Variants in CEP70 observed in about 807,000 individuals in gnomAD.
CEP70 encodes the protein centrosomal protein 70, also known as centrosomal protein of 70 kDa.
In CEP70, 70 loss-of-function variants were observed where a neutral mutation model predicts 90.9. The observed-to-expected ratio is 0.77, with a 90% CI of 0.64 to 0.94. The LOEUF (loss-of-function observed/expected upper bound fraction) is 0.94, where lower values mean the gene tolerates loss of function less well. Ranked by LOEUF, CEP70 falls within the 40% of genes least tolerant of loss-of-function variation. The pLI is 0.00. For synonymous variants in CEP70, 220 were observed against 228.3 expected (o/e 0.96, Z 0.33); for missense variants, 648 against 669.0 (o/e 0.97, Z 0.35).
intron 6 of CEP70, among the ~76,000 whole-genome samples, chr3:138,545,652 G>C (rs1325087208): frequency 6.6e-6 from 1 of 152,180 alleles, no homozygotes; most frequent in Non-Finnish European, 1.5e-5. Flanking sequence ...GGATGTACAA[G>C]TAGGAGAGAT....
intron 6 of CEP70, among the ~76,000 whole-genome samples, chr3:138,562,875 C>T (rs1309053400): frequency 9.9e-5 from 15 of 152,008 alleles, no homozygotes; most frequent in South Asian, 6.2e-4. Flanking sequence ...TAAATGTAAA[C>T]GGCTAAATGC....
intron 2 of CEP70, among the ~76,000 whole-genome samples, chr3:138,580,276 G>A (rs374550749): frequency 7.2e-5 from 11 of 152,212 alleles, no homozygotes; most frequent in Admixed American, 3.9e-4. Flanking sequence ...CCGGCCACAG[G>A]GATGCCTGTG....
In CEP70 at chr3:138,508,679, A is replaced by G. The variant is rs1377844644; in HGVS notation, c.945-135T>C. On this transcript the variant is annotated intron_variant, in intron 11 of 17. Transcript: ENST00000264982. ...TTTACTTATATGTGTGTGTGCACAC[A>G]TGTATGTATGTGTATGTATAAACAC... The G allele has an allele frequency of 7.8e-6, 5 of 642,954 alleles. No homozygotes were observed. In the African/African-American group the frequency reaches 9.1e-5, roughly 12 times the overall value. The allele number at this position is 642,954 out of a possible 1,614,324, so 39.8% of individuals were successfully genotyped here.
intron 10 of CEP70, among the ~76,000 whole-genome samples, chr3:138,526,136 C>G (rs1233589184): frequency 1.3e-5 from 2 of 152,006 alleles, no homozygotes; most frequent in Non-Finnish European, 2.9e-5. Flanking sequence ...GTCCTTCTCT[C>G]CATTAAGGTA....
At chr3:138,507,591 AATGAAT>A (rs1378020106) in intron 12 of CEP70, among the ~76,000 whole-genome samples, 1 of 152,222 alleles carries the variant, frequency 6.6e-6, no homozygotes, top group East Asian at 1.9e-4. Flanking sequence ...TGTGCATATA[AATGAAT>A]ATGATCTATG....
At chr3:138,523,367 C>G (rs2036875881) in intron 11 of CEP70, among the ~76,000 whole-genome samples, 1 of 152,132 alleles carries the variant, frequency 6.6e-6, no homozygotes, top group Non-Finnish European at 1.5e-5. Flanking sequence ...ATTGGAAGTT[C>G]TGGCCAGGGC....
intron 2 of CEP70, among the ~76,000 whole-genome samples, chr3:138,586,773 T>C (rs939366258): frequency 6.6e-6 from 1 of 152,176 alleles, no homozygotes; most frequent in African/African-American, 2.4e-5. Flanking sequence ...GCTAGCACAA[T>C]GGGTTGACTA....
intron 2 of CEP70, among the ~76,000 whole-genome samples, chr3:138,576,279 A>C (rs531579784): frequency 6.6e-6 from 1 of 152,072 alleles, no homozygotes; most frequent in South Asian, 2.1e-4. Context: ...AATGGAAAGC[A>C]AAAAAAAGCA....
At chr3:138,572,613 C>G (rs960666034) in intron 3 of CEP70, among the ~76,000 whole-genome samples, 2 of 152,170 alleles carry the variant, frequency 1.3e-5, no homozygotes, top group Admixed American at 6.5e-5. Context: ...CTACAGAACA[C>G]TAGTCTAATG....
intron 6 of CEP70, among the ~76,000 whole-genome samples, chr3:138,543,776 C>G (rs1457898017): frequency 6.6e-6 from 1 of 152,084 alleles, no homozygotes; most frequent in African/African-American, 2.4e-5. Flanking sequence ...TGCAATCCAA[C>G]CTGGGTGACA....
At chr3:138,564,735 A>T (rs1460893152) in intron 6 of CEP70, among the ~76,000 whole-genome samples, 1 of 152,170 alleles carries the variant, frequency 6.6e-6, no homozygotes, top group Non-Finnish European at 1.5e-5. Flanking sequence ...CCCACACCCA[A>T]TATCATACTG....
At chr3:138,501,603 T>C (rs139392081) in intron 13 of CEP70, among the ~76,000 whole-genome samples, 74 of 152,338 alleles carry the variant, frequency 4.9e-4, no homozygotes, top group Non-Finnish European at 9.8e-4. Context: ...TTATCCATGT[T>C]ATAACATGTA....
chr3:138,540,775 C>T (rs931611914), intron 6 of CEP70, among the ~76,000 whole-genome samples: 1 of 152,088 alleles, frequency 6.6e-6, no homozygotes, highest in African/African-American at 2.4e-5. Flanking sequence ...AATCATTCTA[C>T]CATAAAGAAA....
intron 6 of CEP70, among the ~76,000 whole-genome samples, chr3:138,560,255 A>T (rs1228023414): frequency 6.6e-6 from 1 of 152,170 alleles, no homozygotes; most frequent in Non-Finnish European, 1.5e-5. Flanking sequence ...AGGAAACACA[A>T]GGGGTTAGAG....
At chr3:138,533,367 T>C (rs1443339788) in intron 7 of CEP70, among the ~76,000 whole-genome samples, 1 of 152,048 alleles carries the variant, frequency 6.6e-6, no homozygotes, top group Non-Finnish European at 1.5e-5. Flanking sequence ...CAAGGAATGA[T>C]GATGGAAAAA....
intron 6 of CEP70, among the ~76,000 whole-genome samples, chr3:138,541,167 A>G (rs2038732078): frequency 6.6e-6 from 1 of 152,200 alleles, no homozygotes; most frequent in Non-Finnish European, 1.5e-5. Context: ...TAATCTGTAT[A>G]ACAAACCCCA....
intron 7 of CEP70, among the ~76,000 whole-genome samples, chr3:138,532,840 A>G (rs1449645523): frequency 1.3e-5 from 2 of 152,220 alleles, no homozygotes; most frequent in Non-Finnish European, 2.9e-5. Context: ...TTCTACCTCT[A>G]GCAATATCTC....
chr3:138,581,204 C>A (rs1417545349), intron 2 of CEP70, among the ~76,000 whole-genome samples: 1 of 151,448 alleles, frequency 6.6e-6, no homozygotes, highest in African/African-American at 2.4e-5. Flanking sequence ...ATCGCTTGAA[C>A]CCAGGAGATG....
chr3:138,552,080 G>C (rs958212191), intron 6 of CEP70, among the ~76,000 whole-genome samples: 1 of 151,932 alleles, frequency 6.6e-6, no homozygotes, highest in Middle Eastern at 3.2e-3. Context: ...AGACAAACAG[G>C]GACATTATAT....
Sources: allele counts gnomAD v4.1 joint callset (sites outside exome capture counted in the v4.1 genomes callset), GRCh38; gene constraint gnomAD v4.1.1; transcripts MANE v1.5; gene names NCBI Gene and HGNC (gene_info 2026-07-23, HGNC 2026-07-21).